The following CPA6 variants were observed in gnomAD, a reference collection of about 807,000 sequenced individuals.
CPA6 encodes carboxypeptidase B.
A neutral mutation model predicts 63.3 loss-of-function variants in CPA6; 58 were observed. That is an observed-to-expected ratio of 0.92 (90% CI 0.74 to 1.14). The LOEUF (loss-of-function observed/expected upper bound fraction) is 1.14, where lower values mean the gene tolerates loss of function less well. Ranked by LOEUF, CPA6 falls within the 50% of genes most tolerant of loss-of-function variation. The pLI is 0.00. For missense variants in CPA6, 565 were observed against 526.6 expected (o/e 1.07, Z -0.71); for synonymous variants, 185 against 179.0 (o/e 1.03, Z -0.27).
chr8:67,744,538 A>C (rs2129004778), intron 1 of CPA6, among the ~76,000 whole-genome samples: 1 of 152,244 alleles, frequency 6.6e-6, no homozygotes, highest in African/African-American at 2.4e-5. Flanking sequence ...ACGCTGAAAT[A>C]ATTATGCACA....
intron 6 of CPA6, among the ~76,000 whole-genome samples, chr8:67,489,865 T>C (rs1042217199): frequency 6.6e-6 from 1 of 152,210 alleles, no homozygotes; most frequent in Non-Finnish European, 1.5e-5. Flanking sequence ...TTAACATCAT[T>C]TAAAATTTTT....
At chr8:67,596,000 G>A (rs1045196071) in intron 2 of CPA6, among the ~76,000 whole-genome samples, 3 of 152,206 alleles carry the variant, frequency 2.0e-5, no homozygotes, top group Non-Finnish European at 4.4e-5. Flanking sequence ...GCTGTAGACT[G>A]GAGCTGTTCC....
intron 2 of CPA6, among the ~76,000 whole-genome samples, chr8:67,578,520 G>C (rs923256121): frequency 6.6e-6 from 1 of 152,138 alleles, no homozygotes; most frequent in African/African-American, 2.4e-5. Context: ...AATTTGGCAC[G>C]AGATCCCTGG....
intron 2 of CPA6, among the ~76,000 whole-genome samples, chr8:67,533,416 T>C (rs1457143755): frequency 6.6e-6 from 1 of 152,260 alleles, no homozygotes; most frequent in African/African-American, 2.4e-5. Context: ...CTTGATGCTA[T>C]AGACTGATTG....
chr8:67,663,947 C>G (rs566150013), intron 1 of CPA6, among the ~76,000 whole-genome samples: 1 of 152,118 alleles, frequency 6.6e-6, no homozygotes, highest in African/African-American at 2.4e-5. Flanking sequence ...AATGGAAACC[C>G]CTTCCAAGAT....
At chr8:67,557,783 G>A (rs931804704) in intron 2 of CPA6, among the ~76,000 whole-genome samples, 1 of 152,136 alleles carries the variant, frequency 6.6e-6, no homozygotes, top group African/African-American at 2.4e-5. Flanking sequence ...GTAAGGAATA[G>A]ACACTAAACA....
At chr8:67,489,576 T>G (rs1157106253) in intron 6 of CPA6, among the ~76,000 whole-genome samples, 2 of 152,202 alleles carry the variant, frequency 1.3e-5, no homozygotes, top group Non-Finnish European at 2.9e-5. Flanking sequence ...TAACAGATTA[T>G]TTGGTATTTG....
intron 2 of CPA6, among the ~76,000 whole-genome samples, chr8:67,538,252 G>C (rs1812630049): frequency 6.6e-6 from 1 of 152,114 alleles, no homozygotes; most frequent in Admixed American, 6.5e-5. Context: ...TTAATTTTCT[G>C]TCTTGTTGAT....
intron 1 of CPA6, among the ~76,000 whole-genome samples, chr8:67,656,114 T>C (rs1218604695): frequency 6.6e-6 from 1 of 152,056 alleles, no homozygotes; most frequent in Non-Finnish European, 1.5e-5. Flanking sequence ...TTTGCTTTGT[T>C]TTTGTTTTTG....
chr8:67,618,669 C>T (rs1385574560), intron 2 of CPA6, among the ~76,000 whole-genome samples: 1 of 152,128 alleles, frequency 6.6e-6, no homozygotes, highest in African/African-American at 2.4e-5. Flanking sequence ...AGTTTCCTAT[C>T]CTACAGCTCT....
chr8:67,609,824 C>T (rs1162301452), intron 2 of CPA6, among the ~76,000 whole-genome samples: 1 of 152,112 alleles, frequency 6.6e-6, no homozygotes, highest in Non-Finnish European at 1.5e-5. Context: ...GAGTTCGAGA[C>T]CAACATGGTC....
At chr8:67,620,659 T>A (rs932637566) in intron 2 of CPA6, among the ~76,000 whole-genome samples, 15 of 152,246 alleles carry the variant, frequency 9.9e-5, no homozygotes, top group African/African-American at 3.6e-4. Flanking sequence ...ATTGCTGCTT[T>A]CCATAGTACA....
chr8:67,719,978 C>CGT (rs1301709892), intron 1 of CPA6, among the ~76,000 whole-genome samples: 1 of 152,020 alleles, frequency 6.6e-6, no homozygotes, highest in East Asian at 1.9e-4. Flanking sequence ...CATGCGCGTC[C>CGT]GTGTGAAGAG....
intron 2 of CPA6, among the ~76,000 whole-genome samples, chr8:67,606,916 T>C (rs956538339): frequency 6.6e-6 from 1 of 152,196 alleles, no homozygotes; most frequent in Admixed American, 6.5e-5. Context: ...TAATGCTCTA[T>C]CTTGCAAAAT....
At chr8:67,476,162 C>T (rs1476871347) in intron 8 of CPA6, among the ~76,000 whole-genome samples, 3 of 151,796 alleles carry the variant, frequency 2.0e-5, no homozygotes, top group Non-Finnish European at 4.4e-5. Context: ...GTCATCACAC[C>T]TGGCTAATTT....
chr8:67,685,384 G>A (rs1184525918), intron 1 of CPA6, among the ~76,000 whole-genome samples: 3 of 152,134 alleles, frequency 2.0e-5, no homozygotes, highest in Admixed American at 6.5e-5. Flanking sequence ...TTGGGAGGCC[G>A]AGGCAGGTGG....
At chr8:67,475,797 C>CTTTCT (rs1554666511) in intron 8 of CPA6, among the ~76,000 whole-genome samples, 1 of 41,098 alleles carries the variant, frequency 2.4e-5, no homozygotes, top group Non-Finnish European at 4.4e-5. Flanking sequence ...TTCTTTCTTT[C>CTTTCT]TTTCTTTCTT....
chr8:67,737,148 T>A (rs974226561), intron 1 of CPA6, among the ~76,000 whole-genome samples: 33 of 152,298 alleles, frequency 2.2e-4, no homozygotes, highest in Admixed American at 5.2e-4. Flanking sequence ...TTGGGAGAAA[T>A]CAGAACCATA....
chr8:67,657,780 A>C (rs1435700565), intron 1 of CPA6, among the ~76,000 whole-genome samples: 1 of 152,100 alleles, frequency 6.6e-6, no homozygotes, highest in Non-Finnish European at 1.5e-5. Context: ...GCAAGCTCTA[A>C]TGACTCCACT....
Sources: gnomAD v4.1 joint callset for allele counts (sites outside exome capture counted in the v4.1 genomes callset) on GRCh38, gnomAD v4.1.1 for gene constraint, MANE v1.5 for transcripts, NCBI Gene and HGNC (gene_info 2026-07-23, HGNC 2026-07-21) for gene names.